Variants in C9orf85 observed in about 807,000 individuals in gnomAD.
The protein encoded by C9orf85 is uncharacterized protein C9orf85.
Under a neutral mutation model 14.9 loss-of-function variants are expected in C9orf85, and 16 were observed. The observed-to-expected ratio is 1.08, with a 90% CI of 0.73 to 1.63. C9orf85 has a LOEUF of 1.63. Ranked by LOEUF, C9orf85 falls within the 40% of genes most tolerant of loss-of-function variation. The probability of loss-of-function intolerance (pLI) is 0.00; values close to 1 mark genes in which losing one functional copy is unlikely to be tolerated. For synonymous variants in C9orf85, 45 were observed against 56.8 expected (o/e 0.79, Z 0.93); for missense variants, 172 against 186.1 (o/e 0.92, Z 0.44).
chr9:71,972,167 A>T (rs1822891659), intron 3 of C9orf85, among the ~76,000 whole-genome samples: 1 of 152,174 alleles, frequency 6.6e-6, no homozygotes, highest in African/African-American at 2.4e-5. Context: ...ATTATTTAAC[A>T]ACTTTTCTTT....
downstream of C9orf85, chr9:71,983,529 C>T (rs1035990751): frequency 1.3e-5 from 2 of 152,124 alleles, no homozygotes; most frequent in African/African-American, 4.8e-5. Flanking sequence ...AAGAAACTAA[C>T]GGTGTGGATA....
At chr9:71,964,266 A>G (rs1822620459) in intron 2 of C9orf85, among the ~76,000 whole-genome samples, 1 of 152,080 alleles carries the variant, frequency 6.6e-6, no homozygotes, top group South Asian at 2.1e-4. Context: ...GGCTCTACCA[A>G]TCAGCAGGAT....
intron 2 of C9orf85, among the ~76,000 whole-genome samples, chr9:71,954,115 A>AG (rs79522943): frequency 4.2e-4 from 1 of 2,384 alleles, no homozygotes; most frequent in Non-Finnish European, 0.014. Flanking sequence ...CCCAGCTTGG[A>AG]AAAAAAAAAA....
In C9orf85 at chr9:71,947,001, T is replaced by G; in HGVS notation, c.103-5T>G. 1 of 1,604,926 alleles carries G rather than the reference T, an allele frequency of 6.2e-7. No individual in the cohort carries two copies. Among genetic ancestry groups the G allele is most frequent in the South Asian group, 1.1e-5 (1 of 89,992 alleles). On this transcript the variant is annotated splice_region_variant and splice_polypyrimidine_tract_variant and intron_variant, in intron 1 of 3. Transcript: ENST00000334731. ...TCTCAATTTGTCTTTCTGTTTGTTT[T>G]TAAGAAAATTAATGCAAAACTTCAT...
At chr9:71,919,442 T>C (rs990422694) in intron 1 of C9orf85, among the ~76,000 whole-genome samples, 1 of 152,256 alleles carries the variant, frequency 6.6e-6, no homozygotes, top group Non-Finnish European at 1.5e-5. Context: ...TCTGACGTTC[T>C]ACAGATGATT....
At chr9:71,921,244 C>T (rs1827795904) in intron 1 of C9orf85, among the ~76,000 whole-genome samples, 1 of 152,214 alleles carries the variant, frequency 6.6e-6, no homozygotes. Flanking sequence ...GAATCTCCTT[C>T]CCCTTAGGAG....
intron 3 of C9orf85, among the ~76,000 whole-genome samples, chr9:71,978,732 G>A (rs1005693728): frequency 6.6e-6 from 1 of 152,062 alleles, no homozygotes; most frequent in East Asian, 1.9e-4. Context: ...ATAAAATTCA[G>A]CACTTAAAAT....
rs371368034 is a variant in C9orf85, at chr9:71,928,179, T to C, written c.102+16343T>C. On this transcript the variant is annotated intron_variant, in intron 1 of 3. Transcript: ENST00000334731. Reference sequence around the variant, plus strand: ...TCCAGCCTGGGCAACAGAATGAGGCTCTGTCTCAAAAAAAAAAAAAAAAAA... The same window carrying C: ...TCCAGCCTGGGCAACAGAATGAGGCCCTGTCTCAAAAAAAAAAAAAAAAAA... Among the ~76,000 whole-genome samples, 198 of 89,560 alleles carry C rather than the reference T, an allele frequency of 2.2e-3. 1 individual carries two copies. The highest frequency in any genetic ancestry group is 9.2e-3 in the African/African-American group (186 of 20,112). The allele number at this position is 89,560 out of a possible 152,430, so 58.8% of individuals were successfully genotyped here.
At chr9:71,914,005 AG>A (rs1827583114) in intron 1 of C9orf85, among the ~76,000 whole-genome samples, 1 of 152,228 alleles carries the variant, frequency 6.6e-6, no homozygotes, top group South Asian at 2.1e-4. Context: ...TATTTTACTG[AG>A]GAAAAATCAT....
At chr9:71,978,204 G>A (rs568241997), downstream of C9orf85, among the ~76,000 whole-genome samples, 2 of 152,282 alleles carry the variant, frequency 1.3e-5, no homozygotes, top group East Asian at 3.9e-4. Context: ...CTGCCTCCCG[G>A]TTTCAAGAGA....
Position 71,921,828 on chromosome 9 carries a change from C to A in C9orf85, c.102+9992C>A, listed in dbSNP as rs1827814456. On this transcript the variant is annotated intron_variant, in intron 1 of 3. Transcript: ENST00000334731. The stretch of plus-strand genomic sequence containing the variant: ...AATTAGCATTAGGATTCTTTAGTTG[C>A]TAACTTAAGCAGAAAGGGAATTTAT... 2.0e-5 allele frequency among the ~76,000 whole-genome samples: 3 copies of A among 152,078 alleles called. No individual in the cohort carries two copies. The South Asian group carries it at 6.2e-4, about 31-fold the overall frequency.
At chr9:71,923,715 C>T (rs1244164151) in intron 1 of C9orf85, among the ~76,000 whole-genome samples, 1 of 152,134 alleles carries the variant, frequency 6.6e-6, no homozygotes, top group East Asian at 1.9e-4. Flanking sequence ...ATTAAACCAC[C>T]ACCACATCTA....
chr9:71,912,401 T>TA (rs1306840373), intron 1 of C9orf85, among the ~76,000 whole-genome samples: 1 of 152,176 alleles, frequency 6.6e-6, no homozygotes, highest in African/African-American at 2.4e-5. Context: ...AAAGTCCTGC[T>TA]AAAAAATTCA....
intron 2 of C9orf85, 72 bp from the exon 3 acceptor site, chr9:71,971,433 T>G: frequency 2.2e-6 from 2 of 905,838 alleles, no homozygotes; most frequent in Non-Finnish European, 3.3e-6. Context: ...ACTATACATT[T>G]AGACACATCT....
At chr9:71,916,916 T>C (rs1827665812) in intron 1 of C9orf85, among the ~76,000 whole-genome samples, 1 of 152,208 alleles carries the variant, frequency 6.6e-6, no homozygotes, top group South Asian at 2.1e-4. Flanking sequence ...TTAGGCACTA[T>C]GTATACTTGC....
At chr9:71,938,212 A>T (rs542553236) in intron 1 of C9orf85, among the ~76,000 whole-genome samples, 7 of 152,222 alleles carry the variant, frequency 4.6e-5, no homozygotes, top group African/African-American at 1.7e-4. Context: ...TTCTGTCTGT[A>T]GGAAATGTAG....
At chr9:71,936,314 G>T (rs1280013300) in intron 1 of C9orf85, among the ~76,000 whole-genome samples, 1 of 152,144 alleles carries the variant, frequency 6.6e-6, no homozygotes, top group Non-Finnish European at 1.5e-5. Context: ...TATGCATTCA[G>T]TTGACCTGGA....
chr9:71,940,252 T>C (rs1171451044), intron 1 of C9orf85, among the ~76,000 whole-genome samples: 2 of 151,758 alleles, frequency 1.3e-5, no homozygotes, highest in African/African-American at 2.4e-5. Context: ...GCAAAAGATT[T>C]GAATAGACAC....
intron 2 of C9orf85, among the ~76,000 whole-genome samples, chr9:71,957,397 T>G (rs1589264942): frequency 6.6e-6 from 1 of 152,206 alleles, no homozygotes; most frequent in African/African-American, 2.4e-5. Flanking sequence ...TCAGTCAATT[T>G]CATTGAAATA....
Sources: allele counts gnomAD v4.1 joint callset (sites outside exome capture counted in the v4.1 genomes callset), GRCh38; gene constraint gnomAD v4.1.1; transcripts MANE v1.5; gene names NCBI Gene and HGNC (gene_info 2026-07-23, HGNC 2026-07-21).